Variants in ANKRD44 observed in about 807,000 individuals in gnomAD.
ANKRD44 encodes the protein ankyrin repeat domain 44, also known as serine/threonine-protein phosphatase 6 regulatory ankyrin repeat subunit B.
In ANKRD44, 35 loss-of-function variants were observed where a neutral mutation model predicts 116.0. The observed-to-expected ratio is 0.30, with a 90% confidence interval of 0.23 to 0.40. The LOEUF (loss-of-function observed/expected upper bound fraction) is 0.40. Ranked by LOEUF, ANKRD44 falls within the 10% of genes least tolerant of loss-of-function variation. ANKRD44 has a pLI of 1.00. For synonymous variants in ANKRD44, 435 were observed against 461.8 expected, an observed-to-expected ratio of 0.94 and a Z score of 0.74; for missense variants, 1,014 against 1,242.6, an observed-to-expected ratio of 0.82 and a Z score of 2.77.
chr2:197,078,858 G>A (rs754671190), intron 15 of ANKRD44, 44 bp from the exon 16 acceptor site: 3 of 1,577,794 alleles, frequency 1.9e-6, no homozygotes, highest in Admixed American at 1.7e-5. Context: ...AACATCTCTG[G>A]ACTGAAAAAG....
chr2:197,020,342 T>C (rs551393569), intron 17 of ANKRD44, among the ~76,000 whole-genome samples: 1 of 152,294 alleles, frequency 6.6e-6, no homozygotes, highest in South Asian at 2.1e-4. Flanking sequence ...CATACTTTCT[T>C]CTATACCAGG....
At chr2:196,975,142 C>T (rs953006003) in intron 21 of ANKRD44, among the ~76,000 whole-genome samples, 2 of 152,022 alleles carry the variant, frequency 1.3e-5, no homozygotes, top group African/African-American at 4.8e-5. Flanking sequence ...TTACTACTAA[C>T]CTTACAGCAA....
At chr2:197,224,052 T>A (rs1201626913) in intron 1 of ANKRD44, among the ~76,000 whole-genome samples, 1 of 152,228 alleles carries the variant, frequency 6.6e-6, no homozygotes, top group Non-Finnish European at 1.5e-5. Context: ...AATGTTGGTT[T>A]CTGAGGGGCT....
chr2:197,303,851 C>G (rs1045283207), intron 1 of ANKRD44, among the ~76,000 whole-genome samples: 2 of 152,180 alleles, frequency 1.3e-5, no homozygotes, highest in Non-Finnish European at 2.9e-5. Flanking sequence ...ATCATAATTA[C>G]AAGCTGGATT....
intron 16 of ANKRD44, among the ~76,000 whole-genome samples, chr2:197,057,085 A>AG (rs1275389141): frequency 6.6e-6 from 1 of 152,212 alleles, no homozygotes; most frequent in Non-Finnish European, 1.5e-5. Context: ...TCCTACTATA[A>AG]GGAAAAAAAG....
intron 2 of ANKRD44, among the ~76,000 whole-genome samples, chr2:197,171,996 C>CTTTTTTT (rs1559122763): frequency 2.4e-4 from 7 of 29,314 alleles, no homozygotes; most frequent in East Asian, 6.5e-3. Context: ...CGTTATTTTT[C>CTTTTTTT]TTCTTTTTTT....
At chr2:197,281,894 G>A (rs897077508) in intron 1 of ANKRD44, among the ~76,000 whole-genome samples, 2 of 152,154 alleles carry the variant, frequency 1.3e-5, no homozygotes, top group African/African-American at 4.8e-5. Context: ...TGTGAGGCTG[G>A]TTGGTAGGTG....
At chr2:197,199,879 T>C (rs1432245641) in intron 1 of ANKRD44, among the ~76,000 whole-genome samples, 5 of 152,228 alleles carry the variant, frequency 3.3e-5, no homozygotes, top group Admixed American at 6.5e-5. Context: ...TGCCATAACA[T>C]ATTCAATTAT....
chr2:197,137,138 C>G (rs1017710831), intron 3 of ANKRD44, among the ~76,000 whole-genome samples: 13 of 152,174 alleles, frequency 8.5e-5, no homozygotes, highest in African/African-American at 2.9e-4. Flanking sequence ...TGATCACCAG[C>G]CCACCAAGTC....
chr2:197,207,361 C>G (rs1456679987), intron 1 of ANKRD44, among the ~76,000 whole-genome samples: 1 of 152,202 alleles, frequency 6.6e-6, no homozygotes, highest in African/African-American at 2.4e-5. Context: ...TTCTTTTAGT[C>G]TATCCCAGTG....
chr2:197,015,792 T>TC, intron 17 of ANKRD44: 1 of 445,446 alleles, frequency 2.2e-6, no homozygotes, highest in East Asian at 5.1e-5. Context: ...GGGGTAGATA[T>TC]GGTGGTGGGG....
rs1419326007 is a variant in ANKRD44 at position 196,988,846 on chromosome 2, CTA to C, written c.*743_*744del. On this transcript the variant is annotated 3_prime_UTR_variant, in exon 28 of 28. Coordinates refer to ENST00000282272, the MANE Select transcript of ANKRD44 (RefSeq NM_001195144.2). ...ATCATTTCTCATCAGGTTACTGAGA[CTA>C]TGTGAGCTTTTCAGTGTACTTAGGG... 3.2e-5 allele frequency: 32 copies of C among 985,278 alleles called. No individual in the cohort carries two copies. The African/African-American group carries it at 5.2e-4, about 16-fold the overall frequency. 61.0% of individuals were successfully genotyped at this position (985,278 alleles called of 1,614,324 possible). A position where few individuals can be genotyped will look rare whatever the true frequency, so the allele number is the denominator to read the frequency against.
intron 1 of ANKRD44, among the ~76,000 whole-genome samples, chr2:197,291,174 A>G (rs1029332539): frequency 5.9e-5 from 9 of 151,946 alleles, no homozygotes; most frequent in Non-Finnish European, 2.9e-5. Context: ...ACACCACTGC[A>G]CTCTAGGCTG....
chr2:197,122,692 T>C lies in ANKRD44; in HGVS notation c.651A>G (p.Gly217=), dbSNP rs767685768. The change falls in exon 7 of 28, where the codon GGA becomes GGG. Residue 217 remains glycine, a synonymous_variant. Transcript: ENST00000282272. ...GGAGATGCTTGACAACATTAATCTG[T>C]CCATTGGAGGCTGCAGCATGCAGAG... is the stretch of plus-strand genomic sequence containing the variant. ...YTPLHAAASN[G]QINVVKHLLN... is the part of the protein sequence containing the mutation. The C allele has an allele frequency of 1.2e-6, 2 of 1,614,212 alleles. No homozygotes were observed. Among genetic ancestry groups the C allele is most frequent in the Non-Finnish European group, 8.5e-7 (1 of 1,180,026 alleles).
chr2:197,066,136 T>C (rs1439604073), intron 16 of ANKRD44, among the ~76,000 whole-genome samples: 2 of 152,184 alleles, frequency 1.3e-5, no homozygotes, highest in Non-Finnish European at 2.9e-5. Context: ...TGGTTCAGTA[T>C]ACACAAATCA....
At chr2:197,159,112 G>GGGATT (rs1574575621) in intron 2 of ANKRD44, among the ~76,000 whole-genome samples, 3 of 152,312 alleles carry the variant, frequency 2.0e-5, no homozygotes, top group South Asian at 2.1e-4. Flanking sequence ...ATAACTCCTA[G>GGGATT]CTATGGGGTT....
rs1169492760 is a variant in ANKRD44 at position 197,016,715 on chromosome 2, C to G, written c.1723-3003G>C. On this transcript the variant is annotated intron_variant, in intron 17 of 27. Coordinates refer to ENST00000282272, the MANE Select transcript of ANKRD44 (RefSeq NM_001195144.2). ...AATTTAATAGCATTAAGATTACCTT[C>G]AAATGAAAAACAAAAACTCAGAATT... is the stretch of plus-strand genomic sequence containing the variant. Among the ~76,000 whole-genome samples, 3 of 151,970 alleles carry G rather than the reference C, an allele frequency of 2.0e-5. No homozygotes were observed. In the East Asian group the frequency reaches 5.8e-4, roughly 29 times the overall value.
chr2:197,114,546 T>C (rs968088336), intron 8 of ANKRD44, among the ~76,000 whole-genome samples: 2 of 152,238 alleles, frequency 1.3e-5, no homozygotes, highest in Non-Finnish European at 2.9e-5. Context: ...ACCACCAGTC[T>C]CCTCAGAAAT....
chr2:197,121,878 G>A (rs1020054361), intron 7 of ANKRD44, among the ~76,000 whole-genome samples: 6 of 152,180 alleles, frequency 3.9e-5, no homozygotes, highest in African/African-American at 1.4e-4. Flanking sequence ...AGAATGAAAA[G>A]AGTCCCACAC....
Sources: gnomAD v4.1 joint callset for allele counts (sites outside exome capture counted in the v4.1 genomes callset) on GRCh38, gnomAD v4.1.1 for gene constraint, MANE v1.5 for transcripts, NCBI Gene and HGNC (gene_info 2026-07-23, HGNC 2026-07-21) for gene names.